ST3GAL3: variants seen among roughly 807,000 people sequenced by gnomAD.
ST3GAL3 encodes the protein CMP-N-acetylneuraminate-beta-1,4-galactoside alpha-2,3-sialyltransferase.
Under a neutral mutation model 50.1 loss-of-function variants are expected in ST3GAL3, and 21 were observed. That is an observed-to-expected ratio of 0.42 (90% CI 0.30 to 0.60). ST3GAL3 has a LOEUF of 0.60. Ranked by LOEUF, ST3GAL3 falls within the 20% of genes least tolerant of loss-of-function variation. The pLI is 0.19. For synonymous variants in ST3GAL3, 183 were observed against 190.0 expected (o/e 0.96, Z 0.30); for missense variants, 353 against 489.4 (o/e 0.72, Z 2.63).
intron 4 of ST3GAL3, among the ~76,000 whole-genome samples, chr1:43,830,370 G>T (rs1009763384): frequency 1.3e-5 from 2 of 152,010 alleles, no homozygotes; most frequent in African/African-American, 2.4e-5. Flanking sequence ...CTTTCATTTT[G>T]CTTGTAAAAA....
At chr1:43,884,491 T>TG (rs1334365326) in intron 5 of ST3GAL3, among the ~76,000 whole-genome samples, 3 of 152,136 alleles carry the variant, frequency 2.0e-5, no homozygotes, top group Non-Finnish European at 4.4e-5. Flanking sequence ...CCCTTTATGG[T>TG]GGGGCTGCAG....
intron 11 of ST3GAL3, among the ~76,000 whole-genome samples, chr1:43,924,009 A>C (rs59914650): frequency 6.6e-6 from 1 of 151,960 alleles, no homozygotes; most frequent in African/African-American, 2.4e-5. Context: ...ATTCCATTAC[A>C]TTGGGGGTTA....
chr1:43,724,144 T>G lies in ST3GAL3; in HGVS notation c.-30-12089T>G, dbSNP rs75925714. ...ATTATACCTTTAGAATGTATTACTT[T>G]TTGGAATGTGTACAAATTATATTGT... On this transcript the variant is annotated intron_variant, in intron 1 of 11. Transcript: ENST00000347631. 9.5e-3 allele frequency among the ~76,000 whole-genome samples: 1,449 copies of G among 152,268 alleles called. 26 individuals are homozygous for G. The highest frequency in any genetic ancestry group is 0.034 in the African/African-American group (1,411 of 41,542).
At chr1:43,732,247 G>C (rs1055693805) in intron 1 of ST3GAL3, among the ~76,000 whole-genome samples, 1 of 152,120 alleles carries the variant, frequency 6.6e-6, no homozygotes, top group South Asian at 2.1e-4. Flanking sequence ...GCATCATCTG[G>C]GCTTCCTTGC....
chr1:43,813,889 A>G (rs77775690), intron 3 of ST3GAL3, among the ~76,000 whole-genome samples: 62 of 32,576 alleles, frequency 1.9e-3, no homozygotes, highest in Middle Eastern at 0.016. Context: ...ACACACACAC[A>G]CACACGCACA....
intron 3 of ST3GAL3, among the ~76,000 whole-genome samples, chr1:43,812,562 C>T (rs1435800972): frequency 1.3e-5 from 2 of 152,244 alleles, no homozygotes; most frequent in Admixed American, 6.5e-5. Flanking sequence ...CCCAGGCTCA[C>T]GCCATCCTCC....
rs140467839 is a variant in ST3GAL3 at position 43,890,787 on chromosome 1, G to A, written c.303-3596G>A. 3.1e-3 allele frequency among the ~76,000 whole-genome samples: 476 copies of A among 152,302 alleles called. 1 individual carries two copies. Among genetic ancestry groups the A allele is most frequent in the African/African-American group, 0.011 (456 of 41,558 alleles). ...TAGTCCTAGCTACTCGGGAGGCTGA[G>A]GTGGGAGGATCACTTGAGCCCAGGA... On this transcript the variant is annotated intron_variant, in intron 5 of 11. Coordinates refer to ENST00000347631, the MANE Select transcript of ST3GAL3 (RefSeq NM_006279.5).
chr1:43,881,921 G>C (rs2075214497), intron 5 of ST3GAL3, among the ~76,000 whole-genome samples: 1 of 152,226 alleles, frequency 6.6e-6, no homozygotes, highest in Admixed American at 6.5e-5. Context: ...GAATTGGCCT[G>C]GATTAGCCCT....
intron 2 of ST3GAL3, among the ~76,000 whole-genome samples, chr1:43,746,832 G>A (rs559646870): frequency 2.7e-5 from 4 of 149,422 alleles, no homozygotes; most frequent in South Asian, 2.1e-4. Flanking sequence ...GCGCCATCTC[G>A]GCTCACTGCA....
At chr1:43,784,039 T>C (rs1009858454) in intron 2 of ST3GAL3, among the ~76,000 whole-genome samples, 1 of 152,164 alleles carries the variant, frequency 6.6e-6, no homozygotes, top group Non-Finnish European at 1.5e-5. Context: ...CTAAATTAGT[T>C]AGGTATGATT....
At chr1:43,784,299 A>G (rs1327090367) in intron 2 of ST3GAL3, among the ~76,000 whole-genome samples, 1 of 152,144 alleles carries the variant, frequency 6.6e-6, no homozygotes, top group Non-Finnish European at 1.5e-5. Flanking sequence ...ATTTGAGGTC[A>G]GGAGTTCGAG....
chr1:43,863,776 T>C (rs1017212271), intron 5 of ST3GAL3, among the ~76,000 whole-genome samples: 7 of 152,210 alleles, frequency 4.6e-5, no homozygotes, highest in African/African-American at 1.7e-4. Context: ...CCTCCTCCTC[T>C]TCCATCTCTG....
At chr1:43,890,738 G>A (rs577130899) in intron 5 of ST3GAL3, among the ~76,000 whole-genome samples, 72 of 152,090 alleles carry the variant, frequency 4.7e-4, no homozygotes, top group Non-Finnish European at 8.5e-4. Context: ...TGAGAACTTA[G>A]CTGGGTATGG....
At chr1:43,872,287 G>A (rs1280107224) in intron 5 of ST3GAL3, among the ~76,000 whole-genome samples, 3 of 125,424 alleles carry the variant, frequency 2.4e-5, no homozygotes, top group South Asian at 6.1e-4. Context: ...TGGGGGGGAC[G>A]GAGGAGAGGG....
chr1:43,877,762 C>A (rs1289268386), intron 5 of ST3GAL3, among the ~76,000 whole-genome samples: 1 of 152,174 alleles, frequency 6.6e-6, no homozygotes, highest in African/African-American at 2.4e-5. Flanking sequence ...GGACTGTAAG[C>A]AATGATTGGA....
At chr1:43,754,440 C>G (rs1687305460) in intron 2 of ST3GAL3, among the ~76,000 whole-genome samples, 1 of 152,196 alleles carries the variant, frequency 6.6e-6, no homozygotes, top group Non-Finnish European at 1.5e-5. Flanking sequence ...AATCCACCCA[C>G]CTCAGCCTCC....
intron 5 of ST3GAL3, among the ~76,000 whole-genome samples, chr1:43,884,301 C>A (rs966250056): frequency 6.6e-6 from 1 of 152,226 alleles, no homozygotes; most frequent in African/African-American, 2.4e-5. Context: ...ATGATGCCCA[C>A]CTGCTCTTAA....
intron 4 of ST3GAL3, chr1:43,831,797 A>G (rs2063583256): frequency 6.6e-6 from 1 of 152,186 alleles, no homozygotes; most frequent in Non-Finnish European, 1.5e-5. Flanking sequence ...TGTAAATGGT[A>G]ATTTGTTTTC....
intron 5 of ST3GAL3, among the ~76,000 whole-genome samples, chr1:43,864,147 C>T (rs1050572882): frequency 9.2e-5 from 14 of 152,280 alleles, no homozygotes; most frequent in South Asian, 6.2e-4. Context: ...GGCATGGTGG[C>T]GCATGCCTGT....
Sources: gnomAD v4.1 joint callset for allele counts (sites outside exome capture counted in the v4.1 genomes callset) on GRCh38, gnomAD v4.1.1 for gene constraint, MANE v1.5 for transcripts, NCBI Gene and HGNC (gene_info 2026-07-23, HGNC 2026-07-21) for gene names.